The following RBKS variants were observed in gnomAD, a reference collection of about 807,000 sequenced individuals.
The protein encoded by RBKS is ribokinase.
In RBKS, 33 loss-of-function variants were observed where a neutral mutation model predicts 33.9. The ratio of observed to expected loss-of-function variants is 0.97; its 90% CI spans 0.74 to 1.30. RBKS has a LOEUF of 1.30. RBKS is among the 50% of genes most tolerant of loss of function. RBKS has a pLI of 0.00. For missense variants in RBKS, 361 were observed against 392.6 expected (o/e 0.92, Z 0.68); for synonymous variants, 125 against 143.0 (o/e 0.87, Z 0.90).
chr2:27,885,095 A>G (rs1250338985), intron 1 of RBKS, among the ~76,000 whole-genome samples: 1 of 151,832 alleles, frequency 6.6e-6, no homozygotes, highest in Admixed American at 6.6e-5. Context: ...AACCCTCCCA[A>G]TTCCACTCTG....
chr2:27,870,277 A>T (rs1161973601), intron 1 of RBKS: 1 of 153,262 alleles, frequency 6.5e-6, no homozygotes, highest in Admixed American at 6.5e-5. Flanking sequence ...CAGCCCCTTT[A>T]TCTGACAATT....
chr2:27,888,047 C>T (rs941318945), intron 1 of RBKS, among the ~76,000 whole-genome samples: 1 of 152,096 alleles, frequency 6.6e-6, no homozygotes, highest in Non-Finnish European at 1.5e-5. Context: ...AGAAAGCTCT[C>T]AGTTTGGTAA....
At chr2:27,874,667 A>C in intron 1 of RBKS, among the ~76,000 whole-genome samples, 1 of 152,310 alleles carries the variant, frequency 6.6e-6, no homozygotes, top group Admixed American at 6.5e-5. Context: ...CCAAATTGCT[A>C]CAGTATTTTG....
At chr2:27,869,231 T>C (rs1454390053) in intron 1 of RBKS, among the ~76,000 whole-genome samples, 2 of 152,296 alleles carry the variant, frequency 1.3e-5, no homozygotes, top group South Asian at 4.1e-4. Context: ...TAATAGTAAT[T>C]ATACTTCTGA....
chr2:27,840,354 A>ACGCGCG (rs1287898321), intron 5 of RBKS, among the ~76,000 whole-genome samples: 1 of 108,328 alleles, frequency 9.2e-6, no homozygotes, highest in Non-Finnish European at 2.0e-5. Context: ...ACACACACAC[A>ACGCGCG]CGCGCGCGCG....
At position 27,795,628 on chromosome 2, in the gene RBKS, A is replaced by T. The variant is rs1474440993; in HGVS notation, c.796-13840T>A. 2.0e-5 allele frequency among the ~76,000 whole-genome samples: 3 copies of T among 152,146 alleles called. No homozygotes were observed. The highest frequency in any genetic ancestry group is 7.2e-5 in the African/African-American group (3 of 41,430). On this transcript the variant is annotated intron_variant, in intron 7 of 7. Coordinates refer to ENST00000302188, the MANE Select transcript of RBKS (RefSeq NM_022128.3). The surrounding 1 kb of genome is among the most constrained non-coding windows in gnomAD (Gnocchi z 4.1). ...AACTTGAGGGAATTGAGTCTCAGAA[A>T]CATCCAGTCATTTGTCCAGAGTCAC...
intron 7 of RBKS, among the ~76,000 whole-genome samples, chr2:27,818,977 C>T (rs1176969235): frequency 6.6e-6 from 1 of 152,146 alleles, no homozygotes; most frequent in Non-Finnish European, 1.5e-5. Flanking sequence ...ATGATTTAGG[C>T]CAGTCCTCTT....
At chr2:27,866,384 G>A (rs1030775350) in intron 1 of RBKS, among the ~76,000 whole-genome samples, 10 of 152,066 alleles carry the variant, frequency 6.6e-5, no homozygotes, top group African/African-American at 2.2e-4. Flanking sequence ...TGATCACAAT[G>A]TGCTCTGATG....
chr2:27,859,119 C>G (rs1663920896), intron 1 of RBKS, among the ~76,000 whole-genome samples: 1 of 152,086 alleles, frequency 6.6e-6, no homozygotes, highest in South Asian at 2.1e-4. Flanking sequence ...GTGGGGTGTT[C>G]AGAGAGCAGG....
intron 2 of RBKS, among the ~76,000 whole-genome samples, chr2:27,852,934 T>C (rs1048984932): frequency 1.3e-5 from 2 of 152,208 alleles, no homozygotes; most frequent in Non-Finnish European, 2.9e-5. Context: ...GCTGTTGCTT[T>C]TTTGAATAAA....
At chr2:27,796,225 A>AT (rs11322614) in intron 7 of RBKS, among the ~76,000 whole-genome samples, 20 of 150,958 alleles carry the variant, frequency 1.3e-4, no homozygotes, top group South Asian at 2.1e-4. Context: ...CACTGGTATG[A>AT]TTTTTTTTTT....
At chr2:27,833,869 TC>T (rs1678469003) in intron 5 of RBKS, among the ~76,000 whole-genome samples, 1 of 152,184 alleles carries the variant, frequency 6.6e-6, no homozygotes, top group South Asian at 2.1e-4. Context: ...TCAACCCAGG[TC>T]CACTGACTTG....
rs1480191738 is a variant in RBKS at position 27,795,018 on chromosome 2, G to C, written c.796-13230C>G. On this transcript the variant is annotated intron_variant, in intron 7 of 7. Transcript: ENST00000302188. The surrounding 1 kb of genome is among the most constrained non-coding windows in gnomAD (Gnocchi z 4.1). ...GGCAGTCCTGTTGTGATGGTATCCA[G>C]CGCCCTGTGCCAAGACCACCACTGG... Among the ~76,000 whole-genome samples the C allele has an allele frequency of 6.6e-6, 1 of 152,150 alleles. No homozygotes were observed. The highest frequency in any genetic ancestry group is 1.5e-5 in the Non-Finnish European group (1 of 68,030).
intron 1 of RBKS, among the ~76,000 whole-genome samples, chr2:27,885,856 AT>A (rs1348898515): frequency 4.6e-5 from 7 of 152,348 alleles, no homozygotes; most frequent in African/African-American, 1.7e-4. Flanking sequence ...TTCAATAAAT[AT>A]TTCTTGAATG....
chr2:27,794,843 C>T (rs866809651), intron 7 of RBKS, among the ~76,000 whole-genome samples: 1 of 152,130 alleles, frequency 6.6e-6, no homozygotes, highest in East Asian at 1.9e-4. Context: ...AGGCTGGTCT[C>T]AAACTCCTGA....
intron 7 of RBKS, among the ~76,000 whole-genome samples, chr2:27,801,992 A>ATATATAT (rs1558536561): frequency 7.0e-5 from 3 of 42,692 alleles, no homozygotes; most frequent in African/African-American, 1.3e-4. Context: ...ATATATATAT[A>ATATATAT]TTTTTTTTTT....
intron 2 of RBKS, among the ~76,000 whole-genome samples, chr2:27,849,486 G>C (rs1239368240): frequency 6.8e-6 from 1 of 146,202 alleles, no homozygotes; most frequent in East Asian, 2.0e-4. Flanking sequence ...CTTAAACCCA[G>C]GAGGCGGAGG....
At position 27,795,264 on chromosome 2, in the gene RBKS, T is replaced by G. The variant is rs36035825; in HGVS notation, c.796-13476A>C. On this transcript the variant is annotated intron_variant, in intron 7 of 7. Transcript: ENST00000302188. This position sits in a 1 kb window ranked among gnomAD's most constrained non-coding sequence, Gnocchi z 4.1. The stretch of plus-strand genomic sequence containing the variant: ...AGATGTGAGATGCAGGGGTTCTGTG[T>G]TTTTCTGCACAAAGAGGGCAGCAGT... Among the ~76,000 whole-genome samples the G allele has an allele frequency of 0.24, 35,852 of 151,918 alleles. 5,002 individuals carry two copies. The highest frequency in any genetic ancestry group is 0.59 in the East Asian group (3,029 of 5,140).
At chr2:27,885,346 T>C (rs1024085570) in intron 1 of RBKS, among the ~76,000 whole-genome samples, 71 of 152,240 alleles carry the variant, frequency 4.7e-4, no homozygotes, top group African/African-American at 1.6e-3. Context: ...TATTCTCATA[T>C]AGCCCTTGGA....
Sources: allele counts gnomAD v4.1 joint callset (sites outside exome capture counted in the v4.1 genomes callset), GRCh38; gene constraint gnomAD v4.1.1; non-coding constraint Gnocchi (gnomAD v3.1); transcripts MANE v1.5; gene names NCBI Gene and HGNC (gene_info 2026-07-23, HGNC 2026-07-21).